The following TMX1 variants were observed in gnomAD, a reference collection of about 807,000 sequenced individuals.
TMX1 encodes thioredoxin-related transmembrane protein 1.
TMX1 carries 25 observed loss-of-function variants against 36.6 expected under a neutral mutation model. The observed-to-expected ratio is 0.68, with a 90% CI of 0.50 to 0.95. TMX1 has a LOEUF of 0.95. Among genes scored for constraint, TMX1 ranks in the 40% least tolerant of loss-of-function variants. The pLI, the probability that TMX1 is intolerant of heterozygous loss-of-function variation, is 0.00. For missense variants in TMX1, 347 were observed against 339.6 expected (o/e 1.02, Z -0.17); for synonymous variants, 133 against 118.0 (o/e 1.13, Z -0.82).
At chr14:51,252,045 GT>G (rs1384511090) in intron 7 of TMX1, among the ~76,000 whole-genome samples, 2 of 151,938 alleles carry the variant, frequency 1.3e-5, no homozygotes, top group Non-Finnish European at 2.9e-5. Context: ...ACACAAAGAG[GT>G]AAGTGTTCTC....
Position 51,249,691 on chromosome 14 carries a change from A to C in TMX1, c.592-2A>C. On this transcript the variant is annotated splice_acceptor_variant, in intron 6 of 7. Transcript: ENST00000457354. LOFTEE classifies it high-confidence loss of function. ...GATTTCTTACAATGTTTATTTTTACAGTGTATGATATTTGTGGCAGATTGC... is the reference window on the plus strand; with the variant it reads ...GATTTCTTACAATGTTTATTTTTACCGTGTATGATATTTGTGGCAGATTGC... 6.2e-7 allele frequency: 1 copy of C among 1,613,008 alleles called. No individual in the cohort carries two copies. Among genetic ancestry groups the C allele is most frequent in the Non-Finnish European group, 8.5e-7 (1 of 1,179,464 alleles).
In TMX1 at chr14:51,247,182, T is replaced by G. The variant is rs2065789570; in HGVS notation, c.405T>G (p.Ile135Met). The G allele has an allele frequency of 2.5e-6, 4 of 1,613,544 alleles. No homozygotes were observed. The highest frequency in any genetic ancestry group is 3.4e-6 in the Non-Finnish European group (4 of 1,179,818). The change falls in exon 4 of 8, where the codon ATT becomes ATG. Residue 135 changes from isoleucine (I) to methionine (M), a missense_variant. Transcript: ENST00000457354. The stretch of plus-strand genomic sequence containing the variant: ...TAAGTGATAAAGAGTGGAAGAGTAT[T>G]GAGCCCGTTTCATCATGGTTTGGTC... ...NFISDKEWKS[I>M]EPVSSWFGPG...
At chr14:51,243,432 A>G (rs2065771218) in intron 1 of TMX1, among the ~76,000 whole-genome samples, 1 of 152,204 alleles carries the variant, frequency 6.6e-6, no homozygotes, top group African/African-American at 2.4e-5. Context: ...AAGATGGAAT[A>G]TGTGCTTTCT....
intron 2 of TMX1, 55 bp downstream of exon 2, chr14:51,244,026 A>G: frequency 7.0e-7 from 1 of 1,421,152 alleles, no homozygotes; most frequent in Non-Finnish European, 9.6e-7. Flanking sequence ...TGATATATTT[A>G]TCCTTTTTTC....
chr14:51,250,756 G>T (rs1158575027), intron 7 of TMX1, among the ~76,000 whole-genome samples: 1 of 152,206 alleles, frequency 6.6e-6, no homozygotes, highest in African/African-American at 2.4e-5. Context: ...CTCCCAAAGT[G>T]CTGGGATTAC....
chr14:51,255,172 C>T lies in TMX1; in HGVS notation c.*653C>T, dbSNP rs1435854821. The stretch of plus-strand genomic sequence containing the variant: ...TGATTCCAACAAAGTTTGATTTTCT[C>T]TTGTATTTTTCTTACTTACTATGGG... On this transcript the variant is annotated 3_prime_UTR_variant, in exon 8 of 8. Coordinates refer to ENST00000457354, the MANE Select transcript of TMX1 (RefSeq NM_030755.5). 1 of 151,924 alleles carries T rather than the reference C, an allele frequency of 6.6e-6. No homozygotes were observed. The highest frequency in any genetic ancestry group is 1.5e-5 in the Non-Finnish European group (1 of 67,880). 9.4% of individuals were successfully genotyped at this position (151,924 alleles called of 1,614,324 possible).
At chr14:51,247,885 T>C (rs535425236) in intron 4 of TMX1, among the ~76,000 whole-genome samples, 17 of 152,326 alleles carry the variant, frequency 1.1e-4, no homozygotes, top group Non-Finnish European at 2.1e-4. Context: ...AGGCTCAAAC[T>C]TGTACTCATG....
rs755393211 is a variant in TMX1, at chr14:51,254,399, G to A, written c.723G>A (p.Ala241=). ...AAAAAGTGGAGGAGGAACAAGAGGC[G>A]GATGAAGAAGATGTTTCAGAAGAAG... ...PLKKVEEEQE[A]DEEDVSEEEA... Residue 241 remains alanine, a synonymous_variant, in exon 8 of 8, where the codon GCG becomes GCA. Transcript: ENST00000457354. 30 of 1,611,698 alleles carry A rather than the reference G, an allele frequency of 1.9e-5. No individual in the cohort carries two copies. In the African/African-American group the frequency reaches 1.9e-4, roughly 10 times the overall value.
rs971393578 is a variant in TMX1, at chr14:51,254,231, T to C, written c.665-110T>C. 24 of 848,938 alleles carry C rather than the reference T, an allele frequency of 2.8e-5. No individual in the cohort carries two copies. The African/African-American group carries it at 3.9e-4, about 14-fold the overall frequency. 52.6% of individuals were successfully genotyped at this position (848,938 alleles called of 1,614,324 possible). A position where few individuals can be genotyped will look rare whatever the true frequency, so the allele number is the denominator to read the frequency against. On this transcript the variant is annotated intron_variant, in intron 7 of 7. Transcript: ENST00000457354. Reference sequence around the variant, plus strand: ...TTTCCTTTTGGACATCCAAACATGATAAATTTATGCCAAAGCAGTTTTGGG... The same window carrying C: ...TTTCCTTTTGGACATCCAAACATGACAAATTTATGCCAAAGCAGTTTTGGG...
At chr14:51,241,373 C>G (rs2065760088) in intron 1 of TMX1, among the ~76,000 whole-genome samples, 1 of 152,194 alleles carries the variant, frequency 6.6e-6, no homozygotes, top group Non-Finnish European at 1.5e-5. Context: ...TAACAGTGTA[C>G]TGGACACCAC....
At chr14:51,247,656 C>T (rs1358223072) in intron 4 of TMX1, among the ~76,000 whole-genome samples, 3 of 152,170 alleles carry the variant, frequency 2.0e-5, no homozygotes, top group Non-Finnish European at 4.4e-5. Context: ...TATGCACGGC[C>T]TACATGTTTG....
At chr14:51,244,049 T>G in intron 2 of TMX1, 78 bp downstream of exon 2, 3 of 1,156,626 alleles carry the variant, frequency 2.6e-6, no homozygotes, top group Non-Finnish European at 3.6e-6. Context: ...CATTGCATAG[T>G]CTTAATTCTA....
chr14:51,252,487 A>C (rs1263988975), intron 7 of TMX1, among the ~76,000 whole-genome samples: 1 of 152,000 alleles, frequency 6.6e-6, no homozygotes, highest in Non-Finnish European at 1.5e-5. Context: ...TTGTGAAATG[A>C]AAGTAATTAA....
In TMX1 at chr14:51,240,561, C is replaced by G. The variant is rs73296438; in HGVS notation, c.152+117C>G. ...CTGCGCCTCCGAGTTGCGGAGCGAG[C>G]GTCCCCGACTTCTGCAGCTCCCCAA... On this transcript the variant is annotated intron_variant, in intron 1 of 7. Transcript: ENST00000457354. 96 of 1,397,342 alleles carry G rather than the reference C, an allele frequency of 6.9e-5. No individual in the cohort carries two copies. The African/African-American group carries it at 1.3e-3, about 19-fold the overall frequency. The allele number at this position is 1,397,342 out of a possible 1,614,324, so 86.6% of individuals were successfully genotyped here.
Position 51,247,129 on chromosome 14 carries a change from A to C in TMX1, c.352A>C (p.Arg118=). The C allele has an allele frequency of 6.2e-7, 1 of 1,612,396 alleles. No homozygotes were observed. Among genetic ancestry groups the C allele is most frequent in the Non-Finnish European group, 8.5e-7 (1 of 1,179,526 alleles). ...DGEFRRYQGP[R]TKKDFINFIS... is the part of the protein sequence containing the mutation. Reference sequence around the variant, plus strand: ...TGAATTTAGGCGCTATCAGGGTCCAAGGACTAAGAAGGACTTCATAAACTT... The same window carrying C: ...TGAATTTAGGCGCTATCAGGGTCCACGGACTAAGAAGGACTTCATAAACTT... Residue 118 remains arginine (R), a synonymous_variant, in exon 4 of 8, where the codon AGG becomes CGG. Transcript: ENST00000457354.
chr14:51,241,719 A>T (rs1332926503), intron 1 of TMX1, among the ~76,000 whole-genome samples: 1 of 152,170 alleles, frequency 6.6e-6, no homozygotes, highest in Non-Finnish European at 1.5e-5. Flanking sequence ...GGTTCAGGTG[A>T]GTGTTTTCTT....
intron 1 of TMX1, among the ~76,000 whole-genome samples, chr14:51,242,734 G>A (rs1427607373): frequency 6.6e-6 from 1 of 151,876 alleles, no homozygotes; most frequent in Non-Finnish European, 1.5e-5. Flanking sequence ...CCCAGATGGC[G>A]CCACTGCCCT....
Position 51,255,055 on chromosome 14 carries a change from A to G in TMX1, c.*536A>G, listed in dbSNP as rs150180975. The G allele has an allele frequency of 4.2e-3, 636 of 152,252 alleles. 3 individuals are homozygous for G. The highest frequency in any genetic ancestry group is 0.017 in the South Asian group (82 of 4,826). 9.4% of individuals were successfully genotyped at this position (152,252 alleles called of 1,614,324 possible). On this transcript the variant is annotated 3_prime_UTR_variant, in exon 8 of 8. Transcript: ENST00000457354. Reference sequence around the variant, plus strand: ...TTTTTAGGTTATGCAACTAATAAAAACTACCTTACATTAATTAATTACAGT... The same window carrying G: ...TTTTTAGGTTATGCAACTAATAAAAGCTACCTTACATTAATTAATTACAGT...
intron 3 of TMX1, chr14:51,245,662 G>C: frequency 4.6e-6 from 2 of 438,052 alleles, no homozygotes; most frequent in South Asian, 4.3e-5. Flanking sequence ...GAGTCCTGTA[G>C]GTAATTGGAT....
Sources: gnomAD v4.1 joint callset for allele counts (sites outside exome capture counted in the v4.1 genomes callset) on GRCh38, gnomAD v4.1.1 for gene constraint, MANE v1.5 for transcripts, NCBI Gene and HGNC (gene_info 2026-07-23, HGNC 2026-07-21) for gene names.